Variants in ALK observed in about 807,000 individuals in gnomAD.
ALK encodes the protein ALK receptor tyrosine kinase.
Under a neutral mutation model 163.1 loss-of-function variants are expected in ALK, and 74 were observed. The ratio of observed to expected loss-of-function variants is 0.45; its 90% confidence interval spans 0.38 to 0.55. ALK has a LOEUF of 0.55. ALK is among the 20% of genes least tolerant of loss of function. The pLI, the probability that ALK is intolerant of heterozygous loss-of-function variation, is 0.00. For synonymous variants in ALK, 960 were observed against 843.2 expected, an observed-to-expected ratio of 1.14 and a Z score of -2.40; for missense variants, 2,063 against 2,105.3, an observed-to-expected ratio of 0.98 and a Z score of 0.39.
At chr2:29,842,909 G>A (rs908414123) in intron 1 of ALK, among the ~76,000 whole-genome samples, 3 of 152,174 alleles carry the variant, frequency 2.0e-5, no homozygotes, top group Non-Finnish European at 4.4e-5. Context: ...ATGTTTCTGT[G>A]GCAGGATACT....
At chr2:29,736,053 A>G (rs1679882929) in intron 1 of ALK, among the ~76,000 whole-genome samples, 1 of 152,132 alleles carries the variant, frequency 6.6e-6, no homozygotes, top group East Asian at 1.9e-4. Context: ...TGACAGCATC[A>G]GAATGACAGC....
chr2:29,523,639 T>C (rs961344269), intron 4 of ALK, among the ~76,000 whole-genome samples: 2 of 152,148 alleles, frequency 1.3e-5, no homozygotes, highest in East Asian at 3.9e-4. Flanking sequence ...CATTTTGACT[T>C]CTCTTTGTAT....
intron 3 of ALK, among the ~76,000 whole-genome samples, chr2:29,656,776 G>A (rs970044353): frequency 1.3e-5 from 2 of 152,082 alleles, no homozygotes; most frequent in African/African-American, 4.8e-5. Flanking sequence ...CAAACCTTAT[G>A]TACTCCACAG....
intron 5 of ALK, among the ~76,000 whole-genome samples, chr2:29,361,384 A>C (rs1376376505): frequency 1.3e-5 from 2 of 152,344 alleles, no homozygotes; most frequent in Middle Eastern, 3.4e-3. Flanking sequence ...CAGAGCTGCT[A>C]TTAAACAGCT....
At chr2:29,383,381 A>G (rs576854349) in intron 5 of ALK, among the ~76,000 whole-genome samples, 2 of 152,152 alleles carry the variant, frequency 1.3e-5, no homozygotes, top group East Asian at 1.9e-4. Context: ...CAACGGCACA[A>G]TCTTGGCTCG....
At chr2:29,270,581 G>A (rs529569363) in intron 11 of ALK, among the ~76,000 whole-genome samples, 30 of 152,214 alleles carry the variant, frequency 2.0e-4, no homozygotes, top group African/African-American at 6.5e-4. Context: ...CCAGACATTC[G>A]GATTCCATAG....
chr2:29,352,373 G>C (rs943822348), intron 5 of ALK, among the ~76,000 whole-genome samples: 9 of 152,230 alleles, frequency 5.9e-5, no homozygotes, highest in African/African-American at 1.9e-4. Flanking sequence ...AAGCAGGCTG[G>C]TCTCCAGCTG....
At chr2:29,551,402 A>T (rs1017653008) in intron 3 of ALK, among the ~76,000 whole-genome samples, 2 of 152,066 alleles carry the variant, frequency 1.3e-5, no homozygotes, top group African/African-American at 4.8e-5. Flanking sequence ...CACTGTGCTT[A>T]TATATATATT....
At chr2:29,582,648 A>G (rs973392904) in intron 3 of ALK, among the ~76,000 whole-genome samples, 2 of 152,230 alleles carry the variant, frequency 1.3e-5, no homozygotes, top group African/African-American at 4.8e-5. Context: ...TCCGAGGAAC[A>G]GGATCTTCCA....
At chr2:29,610,466 T>C (rs1399298283) in intron 3 of ALK, among the ~76,000 whole-genome samples, 2 of 152,206 alleles carry the variant, frequency 1.3e-5, no homozygotes, top group Admixed American at 6.5e-5. Flanking sequence ...TTCTACTTTC[T>C]GCTTTCCTTT....
chr2:29,498,476 T>C (rs1672087764), intron 4 of ALK, among the ~76,000 whole-genome samples: 1 of 152,296 alleles, frequency 6.6e-6, no homozygotes, highest in South Asian at 2.1e-4. Context: ...ACCTCATCCG[T>C]AAAATGGGAG....
chr2:29,707,402 C>T (rs549352071), intron 2 of ALK, among the ~76,000 whole-genome samples: 2 of 152,268 alleles, frequency 1.3e-5, no homozygotes, highest in African/African-American at 2.4e-5. Flanking sequence ...GGGGGATGAA[C>T]TTGCCCATAC....
At chr2:29,450,981 C>T (rs1041851000) in intron 4 of ALK, among the ~76,000 whole-genome samples, 2 of 152,092 alleles carry the variant, frequency 1.3e-5, no homozygotes, top group African/African-American at 4.8e-5. Flanking sequence ...CTTTTATGAG[C>T]CCTAAAGTTT....
At position 29,556,485 on chromosome 2, in the gene ALK, C is replaced by T. The variant is rs368367038; in HGVS notation, c.953-24369G>A. 3.8e-4 allele frequency among the ~76,000 whole-genome samples: 58 copies of T among 152,204 alleles called. 2 individuals are homozygous for T. In the South Asian group the frequency reaches 9.3e-3, roughly 25 times the overall value. On this transcript the variant is annotated intron_variant, in intron 3 of 28. Transcript: ENST00000389048. ...TTACTGTCAAGACAACTTTCAATGA[C>T]GAGGGATACAAGAAATGTAGCAAGA...
intron 3 of ALK, among the ~76,000 whole-genome samples, chr2:29,688,030 A>G (rs1045801113): frequency 3.9e-5 from 6 of 152,356 alleles, no homozygotes; most frequent in Admixed American, 1.3e-4. Context: ...ATTTCTATAA[A>G]GATATATCTC....
chr2:29,458,124 T>C (rs1434631698), intron 4 of ALK, among the ~76,000 whole-genome samples: 1 of 152,220 alleles, frequency 6.6e-6, no homozygotes, highest in African/African-American at 2.4e-5. Context: ...CACAGTGTTT[T>C]ACAATGTGTA....
chr2:29,577,590 C>T (rs1354171606), intron 3 of ALK, among the ~76,000 whole-genome samples: 1 of 152,144 alleles, frequency 6.6e-6, no homozygotes, highest in African/African-American at 2.4e-5. Flanking sequence ...GATGAGGGCC[C>T]TGCCCCAGGG....
intron 1 of ALK, among the ~76,000 whole-genome samples, chr2:29,855,090 G>A (rs1558519995): frequency 6.6e-6 from 1 of 152,114 alleles, no homozygotes; most frequent in Non-Finnish European, 1.5e-5. Context: ...GTCTTACAAT[G>A]TCACCAATTG....
intron 3 of ALK, among the ~76,000 whole-genome samples, chr2:29,648,428 A>G (rs1210799105): frequency 6.6e-6 from 1 of 152,104 alleles, no homozygotes; most frequent in African/African-American, 2.4e-5. Context: ...CTGTGCAACC[A>G]TTACCACCAC....
Sources: allele counts gnomAD v4.1 joint callset (sites outside exome capture counted in the v4.1 genomes callset), GRCh38; gene constraint gnomAD v4.1.1; transcripts MANE v1.5; gene names NCBI Gene and HGNC (gene_info 2026-07-23, HGNC 2026-07-21).